FGF14: variants seen among roughly 807,000 people sequenced by gnomAD.
FGF14 encodes fibroblast growth factor homologous factor 4.
In FGF14, 5 loss-of-function variants were observed where a neutral mutation model predicts 25.5. That is an observed-to-expected ratio of 0.20 (90% CI 0.10 to 0.41). The LOEUF (loss-of-function observed/expected upper bound fraction) is 0.41, where lower values mean the gene tolerates loss of function less well. Among genes scored for constraint, FGF14 ranks in the 10% least tolerant of loss-of-function variants. FGF14 has a pLI of 1.00. For missense variants in FGF14, 222 were observed against 320.1 expected (o/e 0.69, Z 2.34); for synonymous variants, 138 against 118.3 (o/e 1.17, Z -1.08).
chr13:101,802,812 T>C (rs1341111374), intron 3 of FGF14, among the ~76,000 whole-genome samples: 1 of 152,222 alleles, frequency 6.6e-6, no homozygotes, highest in Non-Finnish European at 1.5e-5. Flanking sequence ...TATTTGGCTA[T>C]GGGCTAGAAA....
chr13:102,352,605 G>A (rs564825070), intron 1 of FGF14, among the ~76,000 whole-genome samples: 2 of 152,204 alleles, frequency 1.3e-5, no homozygotes, highest in South Asian at 2.1e-4. Flanking sequence ...GAGGTCAGGA[G>A]ATCGAGACCA....
chr13:101,982,204 A>C (rs2038308095), intron 1 of FGF14, among the ~76,000 whole-genome samples: 1 of 152,136 alleles, frequency 6.6e-6, no homozygotes, highest in African/African-American at 2.4e-5. Flanking sequence ...TTTGATATAA[A>C]TTGCTCCATC....
intron 1 of FGF14, among the ~76,000 whole-genome samples, chr13:101,913,696 T>G (rs193220144): frequency 6.6e-6 from 1 of 151,242 alleles, no homozygotes; most frequent in East Asian, 1.9e-4. Context: ...ACACATTGCT[T>G]TTTCTACCTG....
intron 1 of FGF14, among the ~76,000 whole-genome samples, chr13:102,038,168 G>A (rs757444908): frequency 6.6e-6 from 1 of 152,124 alleles, no homozygotes. Context: ...TCAACTATAT[G>A]ATCATAAATC....
At chr13:102,371,562 T>C (rs1030642899) in intron 1 of FGF14, among the ~76,000 whole-genome samples, 6 of 152,134 alleles carry the variant, frequency 3.9e-5, no homozygotes, top group African/African-American at 1.4e-4. Flanking sequence ...TCTTGTCACG[T>C]TGCATTATAA....
intron 1 of FGF14, among the ~76,000 whole-genome samples, chr13:101,976,480 C>A (rs920770097): frequency 1.3e-5 from 2 of 152,140 alleles, no homozygotes; most frequent in Middle Eastern, 3.4e-3. Context: ...GAAAAAAAAT[C>A]AACTTTTATT....
intron 1 of FGF14, among the ~76,000 whole-genome samples, chr13:101,931,980 C>T (rs976320643): frequency 2.0e-5 from 3 of 152,308 alleles, no homozygotes; most frequent in South Asian, 4.1e-4. Context: ...GTTATAAGAA[C>T]TTTCCCTAAA....
At chr13:102,264,200 C>T (rs1281710016) in intron 1 of FGF14, among the ~76,000 whole-genome samples, 1 of 151,804 alleles carries the variant, frequency 6.6e-6, no homozygotes, top group Non-Finnish European at 1.5e-5. Flanking sequence ...ACTCATGATA[C>T]TCATCTGTAA....
intron 1 of FGF14, among the ~76,000 whole-genome samples, chr13:101,912,935 T>C (rs2033099763): frequency 6.6e-6 from 1 of 152,104 alleles, no homozygotes; most frequent in South Asian, 2.1e-4. Context: ...CCTATGAAGA[T>C]GCAGAAAACA....
In FGF14 at chr13:102,360,680, C is replaced by A. The variant is rs140350687; in HGVS notation, c.208+40791G>T. Among the ~76,000 whole-genome samples the A allele has an allele frequency of 1.9e-3, 287 of 152,244 alleles. 1 individual carries two copies. The highest frequency in any genetic ancestry group is 6.6e-3 in the African/African-American group (273 of 41,550). On this transcript the variant is annotated intron_variant, in intron 1 of 4. Transcript: ENST00000376131. Reference sequence around the variant, plus strand: ...AAATTAGCGAGAAGAATACAAACACCTTTTGAAGTCAATTTCAAGGAGCAA... The same window carrying A: ...AAATTAGCGAGAAGAATACAAACACATTTTGAAGTCAATTTCAAGGAGCAA...
intron 1 of FGF14, among the ~76,000 whole-genome samples, chr13:102,144,604 T>G (rs1431120124): frequency 6.6e-6 from 1 of 152,142 alleles, no homozygotes; most frequent in African/African-American, 2.4e-5. Context: ...ATAATTATAG[T>G]CCTTCTGTCA....
At chr13:102,322,655 T>A (rs1594848625) in intron 1 of FGF14, among the ~76,000 whole-genome samples, 1 of 152,230 alleles carries the variant, frequency 6.6e-6, no homozygotes, top group Non-Finnish European at 1.5e-5. Context: ...GGTACAATTA[T>A]CATCATTGAC....
chr13:101,960,089 A>G (rs1183433936), intron 1 of FGF14, among the ~76,000 whole-genome samples: 3 of 152,246 alleles, frequency 2.0e-5, no homozygotes, highest in African/African-American at 7.2e-5. Context: ...AATCAGTTTC[A>G]CTTGCCTCAA....
chr13:102,016,214 T>C (rs901817030), intron 1 of FGF14, among the ~76,000 whole-genome samples: 4 of 152,088 alleles, frequency 2.6e-5, no homozygotes, highest in Admixed American at 6.6e-5. Context: ...GTTGAGAAAA[T>C]TGTGGTTTAG....
At chr13:102,035,421 C>T (rs372927080) in intron 1 of FGF14, among the ~76,000 whole-genome samples, 1 of 152,192 alleles carries the variant, frequency 6.6e-6, no homozygotes, top group Admixed American at 6.5e-5. Flanking sequence ...TCCTGTCCTG[C>T]AACACATTTC....
chr13:102,186,901 G>A (rs372456009), intron 1 of FGF14, among the ~76,000 whole-genome samples: 1 of 152,064 alleles, frequency 6.6e-6, no homozygotes, highest in African/African-American at 2.4e-5. Context: ...GCACATACAG[G>A]CTCACACATA....
chr13:101,804,904 G>T (rs1310421699), intron 3 of FGF14, among the ~76,000 whole-genome samples: 3 of 152,120 alleles, frequency 2.0e-5, no homozygotes. Context: ...AACTGCATTT[G>T]TAACTGTTGG....
chr13:102,248,988 G>T (rs1385090192), intron 1 of FGF14, among the ~76,000 whole-genome samples: 5 of 152,138 alleles, frequency 3.3e-5, no homozygotes, highest in African/African-American at 1.2e-4. Context: ...CTAAGGAAGT[G>T]CAGGAAGTAA....
rs190083051 is a variant in FGF14, at chr13:101,900,176, T to C, written c.193+16277A>G. Among the ~76,000 whole-genome samples the C allele has an allele frequency of 2.7e-4, 41 of 152,304 alleles. No individual in the cohort carries two copies. In the East Asian group the frequency reaches 6.7e-3, roughly 25 times the overall value. ...AATATAACAGAGAGCTACTTTTTAG[T>C]GTAGCTAAAGCCATGACTACAGGTA... On this transcript the variant is annotated intron_variant, in intron 1 of 4. Transcript: ENST00000376143.
Sources: allele counts gnomAD v4.1 joint callset (sites outside exome capture counted in the v4.1 genomes callset), GRCh38; gene constraint gnomAD v4.1.1; transcripts MANE v1.5; gene names NCBI Gene and HGNC (gene_info 2026-07-23, HGNC 2026-07-21).